RBM33: variants seen among roughly 807,000 people sequenced by gnomAD.
The protein encoded by RBM33 is RNA-binding protein 33.
RBM33 carries 28 observed loss-of-function variants against 132.6 expected under a neutral mutation model. The observed-to-expected ratio is 0.21, with a 90% CI of 0.16 to 0.29. The LOEUF (loss-of-function observed/expected upper bound fraction) is 0.29. Ranked by LOEUF, RBM33 falls within the 10% of genes least tolerant of loss-of-function variation. The pLI is 1.00. For synonymous variants in RBM33, 634 were observed against 593.0 expected (o/e 1.07, Z -1.01); for missense variants, 1,291 against 1,518.5 (o/e 0.85, Z 2.49).
intron 8 of RBM33, among the ~76,000 whole-genome samples, chr7:155,715,413 A>G (rs1264278634): frequency 6.6e-6 from 1 of 152,186 alleles, no homozygotes; most frequent in East Asian, 1.9e-4. Flanking sequence ...TCTTAGAAAT[A>G]TAGGGTGGTA....
chr7:155,692,574 G>A (rs1433791169), intron 5 of RBM33, among the ~76,000 whole-genome samples: 1 of 152,178 alleles, frequency 6.6e-6, no homozygotes, highest in African/African-American at 2.4e-5. Flanking sequence ...TCTTCACACG[G>A]CCCAGTTGGG....
intron 14 of RBM33, among the ~76,000 whole-genome samples, chr7:155,759,731 C>T (rs1427103399): frequency 1.3e-5 from 2 of 152,164 alleles, no homozygotes; most frequent in Non-Finnish European, 2.9e-5. Flanking sequence ...GTTTATCACC[C>T]AAGTACACAT....
intron 5 of RBM33, among the ~76,000 whole-genome samples, chr7:155,690,911 C>T (rs552431035): frequency 4.1e-4 from 62 of 152,254 alleles, no homozygotes; most frequent in African/African-American, 1.5e-3. Flanking sequence ...TTTTTTCCTT[C>T]ATTTCAACTT....
At chr7:155,662,280 T>A (rs1032070931) in intron 1 of RBM33, among the ~76,000 whole-genome samples, 4 of 152,136 alleles carry the variant, frequency 2.6e-5, no homozygotes, top group African/African-American at 9.7e-5. Context: ...ATGGTTCGTG[T>A]TTGAGATTTG....
In RBM33 at chr7:155,741,959, C is replaced by G. The variant is rs73167165; in HGVS notation, c.2190C>G (p.Pro730=). The part of the protein sequence containing the change: ...EMSSSRCSAT[P]SAQVKPIVSA... ...GCAGCAGCCGCTGCTCTGCCACGCC[C>G]TCAGCACAAGTGAAACCTATCGTCA... is the stretch of plus-strand genomic sequence containing the variant. The change falls in exon 13 of 18, where the codon CCC becomes CCG. Residue 730 remains proline, a synonymous_variant. Transcript: ENST00000401878. 64,574 of 1,613,968 alleles carry G rather than the reference C, an allele frequency of 0.04. 1,919 individuals are homozygous for G. Among genetic ancestry groups the G allele is most frequent in the African/African-American group, 0.14 (10,833 of 75,032 alleles).
intron 1 of RBM33, among the ~76,000 whole-genome samples, chr7:155,654,407 A>G (rs764051257): frequency 3.9e-5 from 6 of 151,956 alleles, no homozygotes; most frequent in Non-Finnish European, 5.9e-5. Context: ...GCTTCTTGCT[A>G]CTAGATTACC....
intron 9 of RBM33, among the ~76,000 whole-genome samples, chr7:155,721,305 AG>A (rs1800618289): frequency 6.6e-6 from 1 of 152,048 alleles, no homozygotes; most frequent in African/African-American, 2.4e-5. Flanking sequence ...GGCGGGAGGG[AG>A]CACATAGTTG....
chr7:155,713,475 C>T (rs906163389), intron 8 of RBM33, among the ~76,000 whole-genome samples: 2 of 151,516 alleles, frequency 1.3e-5, no homozygotes, highest in African/African-American at 2.4e-5. Flanking sequence ...CGGCACTCGA[C>T]GTGGGAATGG....
At chr7:155,673,945 T>TTTTTTTTG (rs1563138328) in intron 3 of RBM33, among the ~76,000 whole-genome samples, 8 of 88,490 alleles carry the variant, frequency 9.0e-5, no homozygotes, top group African/African-American at 4.2e-4. Flanking sequence ...GCTTAGTTTT[T>TTTTTTTTG]TTTTTTTTTT....
chr7:155,672,585 T>C lies in RBM33; in HGVS notation c.123-282T>C, dbSNP rs575743491. Among the ~76,000 whole-genome samples, 15 of 152,058 alleles carry C rather than the reference T, an allele frequency of 9.9e-5. No individual in the cohort carries two copies. The South Asian group carries it at 1.0e-3, about 11-fold the overall frequency. The stretch of plus-strand genomic sequence containing the variant: ...GCCTGGCCAACATGGTGAAATCCCG[T>C]CTCTACTAAAGATACACAAAATTAG... On this transcript the variant is annotated intron_variant, in intron 2 of 17. Coordinates refer to ENST00000401878, the MANE Select transcript of RBM33 (RefSeq NM_053043.3).
chr7:155,741,750 A>C, intron 12 of RBM33, 69 bp from the exon 13 acceptor site: 1 of 1,353,758 alleles, frequency 7.4e-7, no homozygotes, highest in Non-Finnish European at 1.0e-6. Flanking sequence ...TTATTTAATA[A>C]TGTGCCTTTT....
chr7:155,644,940 CTG>C (rs753361991), intron 1 of RBM33, 21 bp downstream of exon 1: 2 of 1,490,722 alleles, frequency 1.3e-6, no homozygotes, highest in South Asian at 2.5e-5. Context: ...CAGCCGGACT[CTG>C]GGGGCCAGGA....
intron 6 of RBM33, among the ~76,000 whole-genome samples, chr7:155,703,009 C>T (rs1800012546): frequency 6.6e-6 from 1 of 152,126 alleles, no homozygotes; most frequent in Non-Finnish European, 1.5e-5. Flanking sequence ...CTGTACCACC[C>T]TGCCCTGATT....
chr7:155,681,118 G>A (rs770913888), intron 5 of RBM33, among the ~76,000 whole-genome samples: 1 of 152,204 alleles, frequency 6.6e-6, no homozygotes, highest in Non-Finnish European at 1.5e-5. Context: ...CATTCTGGAA[G>A]GCTGCAAAGA....
At chr7:155,652,584 G>C (rs1798385810) in intron 1 of RBM33, among the ~76,000 whole-genome samples, 1 of 152,214 alleles carries the variant, frequency 6.6e-6, no homozygotes, top group Non-Finnish European at 1.5e-5. Flanking sequence ...GTAGATGTCT[G>C]ATTGCTGCAT....
chr7:155,767,039 A>G (rs1410756373), intron 16 of RBM33: 1 of 224,926 alleles, frequency 4.4e-6, no homozygotes, highest in African/African-American at 2.4e-5. Context: ...CTTGCTTTCC[A>G]GAAATAGCTT....
rs1047188749 is a variant in RBM33, at chr7:155,776,161, G to A, written c.*1120G>A. 7.9e-5 allele frequency: 12 copies of A among 152,642 alleles called. No homozygotes were observed. The highest frequency in any genetic ancestry group is 2.9e-4 in the African/African-American group (12 of 41,454). 9.5% of individuals were successfully genotyped at this position (152,642 alleles called of 1,614,324 possible). On this transcript the variant is annotated 3_prime_UTR_variant, in exon 18 of 18. Coordinates refer to ENST00000401878, the MANE Select transcript of RBM33 (RefSeq NM_053043.3). The surrounding 1 kb of genome is among the most constrained non-coding windows in gnomAD (Gnocchi z 4.0). ...GAGACATATTCTCCATAAAGCTACT[G>A]TAGTAGAATTCATTCTGGGCAAACA...
chr7:155,678,051 C>T (rs1799233721), intron 3 of RBM33, among the ~76,000 whole-genome samples: 1 of 152,124 alleles, frequency 6.6e-6, no homozygotes, highest in Non-Finnish European at 1.5e-5. Context: ...GCTCTCTCTC[C>T]TTATAGGTAG....
At chr7:155,714,392 A>G (rs1404305945) in intron 8 of RBM33, among the ~76,000 whole-genome samples, 4 of 152,094 alleles carry the variant, frequency 2.6e-5, no homozygotes, top group Non-Finnish European at 5.9e-5. Context: ...TTGAATCAGG[A>G]TCCTAGAGGG....
Sources: allele counts gnomAD v4.1 joint callset (sites outside exome capture counted in the v4.1 genomes callset), GRCh38; gene constraint gnomAD v4.1.1; non-coding constraint Gnocchi (gnomAD v3.1); transcripts MANE v1.5; gene names NCBI Gene and HGNC (gene_info 2026-07-23, HGNC 2026-07-21).